AMOTL1: variants seen among roughly 807,000 people sequenced by gnomAD.
AMOTL1 encodes angiomotin-like protein 1.
Under a neutral mutation model 102.9 loss-of-function variants are expected in AMOTL1, and 45 were observed. The ratio of observed to expected loss-of-function variants is 0.44; its 90% CI spans 0.34 to 0.56. The LOEUF (loss-of-function observed/expected upper bound fraction) is 0.56, where lower values mean the gene tolerates loss of function less well. Ranked by LOEUF, AMOTL1 falls within the 20% of genes least tolerant of loss-of-function variation. The pLI is 0.01. For missense variants in AMOTL1, 1,114 were observed against 1,225.6 expected, an observed-to-expected ratio of 0.91 and a Z score of 1.36; for synonymous variants, 481 against 484.7, an observed-to-expected ratio of 0.99 and a Z score of 0.10.
At chr11:94,754,893 A>C (rs1198902334) in intron 3 of AMOTL1, among the ~76,000 whole-genome samples, 1 of 152,176 alleles carries the variant, frequency 6.6e-6, no homozygotes, top group African/African-American at 2.4e-5. Flanking sequence ...TCTTCAGATA[A>C]ACAGATAATT....
Position 94,768,401 on chromosome 11 carries a change from G to A in AMOTL1, c.-111G>A. The A allele has an allele frequency of 6.6e-7, 1 of 1,520,730 alleles. No homozygotes were observed. The highest frequency in any genetic ancestry group is 1.7e-4 in the Middle Eastern group (1 of 5,900). The allele number at this position is 1,520,730 out of a possible 1,614,324, so 94.2% of individuals were successfully genotyped here. On this transcript the variant is annotated 5_prime_UTR_variant, in exon 1 of 13. Transcript: ENST00000433060. ...ACCCAGCAGCGGTTGTCGGGTTTGG[G>A]GCTGGAGGTGAAGCCCTGTGTGAAT...
intron 3 of AMOTL1, among the ~76,000 whole-genome samples, chr11:94,815,651 A>G (rs958033085): frequency 1.3e-5 from 2 of 152,088 alleles, no homozygotes; most frequent in Admixed American, 6.5e-5. Context: ...GGAAAATAAT[A>G]TTTGTCTCAT....
intron 3 of AMOTL1, among the ~76,000 whole-genome samples, chr11:94,812,688 A>G (rs1181286929): frequency 2.6e-5 from 4 of 152,380 alleles, no homozygotes; most frequent in African/African-American, 7.2e-5. Context: ...GGTTTGCCTG[A>G]TACAGTTTCC....
intron 1 of AMOTL1, among the ~76,000 whole-genome samples, chr11:94,715,244 A>C (rs1035530589): frequency 2.0e-5 from 3 of 152,074 alleles, no homozygotes; most frequent in Admixed American, 6.6e-5. Flanking sequence ...ATTTGATTTC[A>C]ATTTCTTAAC....
At chr11:94,758,931 A>C (rs1192328464) in intron 3 of AMOTL1, among the ~76,000 whole-genome samples, 2 of 152,240 alleles carry the variant, frequency 1.3e-5, no homozygotes, top group African/African-American at 4.8e-5. Flanking sequence ...GATCACAGTC[A>C]TGTTACACTG....
At chr11:94,851,003 A>T (rs1365908535) in intron 7 of AMOTL1, among the ~76,000 whole-genome samples, 1 of 152,238 alleles carries the variant, frequency 6.6e-6, no homozygotes, top group Non-Finnish European at 1.5e-5. Flanking sequence ...CAGATTTCAA[A>T]CACAAGGATA....
intron 1 of AMOTL1, among the ~76,000 whole-genome samples, chr11:94,778,107 G>A (rs1386448026): frequency 6.6e-6 from 1 of 152,176 alleles, no homozygotes; most frequent in African/African-American, 2.4e-5. Flanking sequence ...TGTCTTTCAA[G>A]TATTTATTTT....
At chr11:94,727,389 C>T (rs1950278075) in intron 1 of AMOTL1, among the ~76,000 whole-genome samples, 1 of 152,126 alleles carries the variant, frequency 6.6e-6, no homozygotes, top group African/African-American at 2.4e-5. Context: ...GATTTCTACT[C>T]CAGACATGTT....
At chr11:94,856,416 A>G (rs1952665769) in intron 8 of AMOTL1, among the ~76,000 whole-genome samples, 1 of 152,126 alleles carries the variant, frequency 6.6e-6, no homozygotes, top group Non-Finnish European at 1.5e-5. Context: ...GTAAAGGGCA[A>G]AGTGTATCTA....
At chr11:94,820,835 A>G (rs1951851651) in intron 3 of AMOTL1, among the ~76,000 whole-genome samples, 1 of 152,192 alleles carries the variant, frequency 6.6e-6, no homozygotes, top group African/African-American at 2.4e-5. Flanking sequence ...AATTCACAAT[A>G]GGGTTCAAGC....
intron 8 of AMOTL1, among the ~76,000 whole-genome samples, chr11:94,855,952 T>C (rs1005583274): frequency 6.6e-6 from 1 of 152,156 alleles, no homozygotes; most frequent in Admixed American, 6.5e-5. Flanking sequence ...GTTCGGGAGC[T>C]GATGGCAGAC....
At chr11:94,764,147 C>A (rs538313574), upstream of AMOTL1, among the ~76,000 whole-genome samples, 1 of 152,262 alleles carries the variant, frequency 6.6e-6, no homozygotes, top group East Asian at 1.9e-4. Context: ...TTCCTCTATG[C>A]TCCCATAATG....
chr11:94,778,106 A>T lies in AMOTL1; in HGVS notation c.49+9546A>T, dbSNP rs149116964. 7.9e-5 allele frequency among the ~76,000 whole-genome samples: 12 copies of T among 152,350 alleles called. No homozygotes were observed. In the East Asian group the frequency reaches 2.1e-3, roughly 27 times the overall value. On this transcript the variant is annotated intron_variant, in intron 1 of 12. Transcript: ENST00000433060. Reference sequence around the variant, plus strand: ...AGAAAGGATTCATAACTGTCTTTCAAGTATTTATTTTATTTTCACTTTGAA... The same window carrying T: ...AGAAAGGATTCATAACTGTCTTTCATGTATTTATTTTATTTTCACTTTGAA...
chr11:94,861,105 C>T (rs1010916604), intron 9 of AMOTL1, among the ~76,000 whole-genome samples: 2 of 152,010 alleles, frequency 1.3e-5, no homozygotes, highest in Non-Finnish European at 2.9e-5. Context: ...TGTGCTTCCA[C>T]GTTGTTTATG....
chr11:94,825,453 A>G (rs913511558), intron 4 of AMOTL1, among the ~76,000 whole-genome samples: 2 of 152,178 alleles, frequency 1.3e-5, no homozygotes, highest in Non-Finnish European at 2.9e-5. Flanking sequence ...TTTGCTTATT[A>G]CAACAGTGCC....
In AMOTL1 at chr11:94,874,638, C is replaced by T. The variant is rs1054685696; in HGVS notation, c.*3843C>T. 1 of 152,244 alleles carries T rather than the reference C, an allele frequency of 6.6e-6. No individual in the cohort carries two copies. The highest frequency in any genetic ancestry group is 2.4e-5 in the African/African-American group (1 of 41,438). 9.4% of individuals were successfully genotyped at this position (152,244 alleles called of 1,614,324 possible). ...CAGCCAGTCATTACTCTTGTTTGTT[C>T]TCACCTGGGTGCGCACCCTCATGAT... is the stretch of plus-strand genomic sequence containing the variant. On this transcript the variant is annotated 3_prime_UTR_variant, in exon 13 of 13. Coordinates refer to ENST00000433060, the MANE Select transcript of AMOTL1 (RefSeq NM_130847.3).
chr11:94,862,040 C>T (rs1398452767), intron 9 of AMOTL1, among the ~76,000 whole-genome samples: 1 of 152,152 alleles, frequency 6.6e-6, no homozygotes, highest in African/African-American at 2.4e-5. Flanking sequence ...GGGATTTACC[C>T]AGTCCCACTG....
Position 94,707,970 on chromosome 11 carries a change from A to G in AMOTL1, c.-51+1373A>G, listed in dbSNP as rs1273506505. The stretch of plus-strand genomic sequence containing the variant: ...CCTCTCTCCAGTCTTACCTCCCAGC[A>G]GCATCCAGAATGATGGTTCTAAAAT... On this transcript the variant is annotated intron_variant, in intron 1 of 4. Coordinates refer to the AMOTL1 transcript ENST00000299004. Among the ~76,000 whole-genome samples, 7 of 152,296 alleles carry G rather than the reference A, an allele frequency of 4.6e-5. No individual in the cohort carries two copies. In the East Asian group the frequency reaches 1.3e-3, roughly 29 times the overall value.
chr11:94,801,075 TTCTAGGAGAGAAATGGGC>T (rs1032861618), intron 3 of AMOTL1, among the ~76,000 whole-genome samples: 4 of 152,150 alleles, frequency 2.6e-5, no homozygotes, highest in African/African-American at 9.7e-5. Context: ...CAATGTGCTG[TTCTAGGAGAGAAATGGGC>T]CGAGGATGCT....
Sources: allele counts gnomAD v4.1 joint callset (sites outside exome capture counted in the v4.1 genomes callset), GRCh38; gene constraint gnomAD v4.1.1; transcripts MANE v1.5; gene names NCBI Gene and HGNC (gene_info 2026-07-23, HGNC 2026-07-21).